Variants in HIRA observed in about 807,000 individuals in gnomAD.
HIRA encodes the protein histone cell cycle regulator, also known as protein HIRA.
HIRA carries 13 observed loss-of-function variants against 126.6 expected under a neutral mutation model. The ratio of observed to expected loss-of-function variants is 0.10; its 90% CI spans 0.07 to 0.16. The LOEUF is 0.16. Ranked by LOEUF, HIRA falls within the 10% of genes least tolerant of loss-of-function variation. The pLI, the probability that HIRA is intolerant of heterozygous loss-of-function variation, is 1.00. For missense variants in HIRA, 834 were observed against 1,314.4 expected (o/e 0.63, Z 5.65); for synonymous variants, 511 against 520.0 (o/e 0.98, Z 0.24).
intron 13 of HIRA, among the ~76,000 whole-genome samples, chr22:19,379,258 C>T (rs1034995056): frequency 4.0e-5 from 6 of 151,408 alleles, no homozygotes; most frequent in Admixed American, 2.0e-4. Context: ...GTGATCCGCC[C>T]GCCTTGGCTT....
intron 18 of HIRA, 99 bp from the exon 19 acceptor site, chr22:19,357,150 A>C: frequency 7.2e-7 from 1 of 1,392,004 alleles, no homozygotes; most frequent in Non-Finnish European, 1.0e-6. Flanking sequence ...TGGGCCCAAC[A>C]AGGGCCTCCC....
rs898110934 is a variant in HIRA at position 19,365,489 on chromosome 22, T to C, written c.1776-3558A>G. 4.6e-5 allele frequency among the ~76,000 whole-genome samples: 7 copies of C among 152,344 alleles called. No individual in the cohort carries two copies. In the East Asian group the frequency reaches 7.7e-4, roughly 17 times the overall value. ...AAAATCCTAGGGCCCTTAAGAATTA[T>C]TCTAAATCTATAAATGCAACAAGAA... On this transcript the variant is annotated intron_variant, in intron 15 of 24. Transcript: ENST00000263208.
At position 19,354,065 on chromosome 22, in the gene HIRA, C is replaced by T. The variant is rs1556011766; in HGVS notation, c.2615G>A (p.Ser872Asn). 1 of 1,613,130 alleles carries T rather than the reference C, an allele frequency of 6.2e-7. No individual in the cohort carries two copies. Among genetic ancestry groups the T allele is most frequent in the African/African-American group, 1.3e-5 (1 of 74,922 alleles). The change falls in exon 22 of 25, where the codon AGC (serine) becomes AAC (asparagine). Residue 872 changes from serine (S) to asparagine (N), a missense_variant. Physicochemically the swap from Ser to Asn is conservative, Grantham distance 46. This residue lies in a region of HIRA where 468 missense variants were observed against 574.2 expected (regional missense o/e 0.82). Transcript: ENST00000263208. ...CATGGCGTCCTGGGATGGCAGGCTG[C>T]TCCTAAAGTCTGCACACTGAGCCAG... ...DSLAQCADFR[S>N]SLPSQDAMLC...
intron 1 of HIRA, among the ~76,000 whole-genome samples, chr22:19,414,901 CA>C (rs1488875865): frequency 6.6e-6 from 1 of 151,130 alleles, no homozygotes; most frequent in Non-Finnish European, 1.5e-5. Context: ...CAAAACAAAA[CA>C]AAAAATATAT....
At chr22:19,393,290 T>A (rs936512338) in intron 8 of HIRA, among the ~76,000 whole-genome samples, 1 of 152,234 alleles carries the variant, frequency 6.6e-6, no homozygotes, top group Non-Finnish European at 1.5e-5. Flanking sequence ...AACAAAAAAA[T>A]TTAATAAGTA....
chr22:19,362,032 T>A, intron 15 of HIRA, 101 bp from the exon 16 acceptor site: 1 of 1,082,706 alleles, frequency 9.2e-7, no homozygotes, highest in Non-Finnish European at 1.3e-6. Flanking sequence ...CTTGCCAACC[T>A]AGAATTCTGT....
intron 1 of HIRA, 108 bp downstream of exon 1, chr22:19,431,332 T>C: frequency 7.9e-7 from 1 of 1,261,662 alleles, no homozygotes; most frequent in Non-Finnish European, 1.1e-6. Context: ...GGGCACCGGG[T>C]ACCGGGCGTC....
At chr22:19,419,587 G>A (rs542442204) in intron 1 of HIRA, among the ~76,000 whole-genome samples, 1 of 152,254 alleles carries the variant, frequency 6.6e-6, no homozygotes, top group African/African-American at 2.4e-5. Context: ...TTTATTGTAT[G>A]TCTGTCTACT....
In HIRA at chr22:19,405,832, A is replaced by G. The variant is rs1168720185; in HGVS notation, c.351T>C (p.Asn117=). The change falls in exon 5 of 25, where the codon AAT becomes AAC. Residue 117 remains asparagine (N), a synonymous_variant. Coordinates refer to ENST00000263208, the MANE Select transcript of HIRA (RefSeq NM_003325.4). ...TAGAGACACACCGCCACTGCTCCAC[A>G]TTGGCAAGCTTACCACTGGAGCCGA... ...TVFGSSGKLA[N]VEQWRCVSIL... 3.3e-6 allele frequency: 5 copies of G among 1,512,282 alleles called. No homozygotes were observed. The African/African-American group carries it at 5.7e-5, about 17-fold the overall frequency. 93.7% of individuals were successfully genotyped at this position (1,512,282 alleles called of 1,614,324 possible).
chr22:19,429,677 C>T (rs1458042457), intron 1 of HIRA, among the ~76,000 whole-genome samples: 1 of 152,094 alleles, frequency 6.6e-6, no homozygotes, highest in African/African-American at 2.4e-5. Flanking sequence ...TTCATTTGTA[C>T]CTAGTTCGTC....
chr22:19,409,044 C>T (rs1282216573), intron 2 of HIRA, among the ~76,000 whole-genome samples: 1 of 152,208 alleles, frequency 6.6e-6, no homozygotes, highest in Non-Finnish European at 1.5e-5. Context: ...AAAGCACACC[C>T]TAGTGGGGTT....
intron 5 of HIRA, among the ~76,000 whole-genome samples, chr22:19,405,053 G>A (rs1241659375): frequency 6.6e-6 from 1 of 152,166 alleles, no homozygotes; most frequent in African/African-American, 2.4e-5. Context: ...GTAACAGGGA[G>A]CACAAGCTTT....
chr22:19,333,880 T>C (rs1007397430), intron 24 of HIRA, among the ~76,000 whole-genome samples: 8 of 152,216 alleles, frequency 5.3e-5, no homozygotes, highest in Non-Finnish European at 1.0e-4. Flanking sequence ...TGAACCCTTC[T>C]AGTGAACTTT....
chr22:19,334,073 C>T (rs2088529318), intron 24 of HIRA, among the ~76,000 whole-genome samples: 1 of 151,740 alleles, frequency 6.6e-6, no homozygotes, highest in African/African-American at 2.4e-5. Context: ...CTCCTGGGTT[C>T]ACACCATTCT....
chr22:19,364,800 C>A (rs373648011), intron 15 of HIRA, among the ~76,000 whole-genome samples: 1 of 152,036 alleles, frequency 6.6e-6, no homozygotes, highest in Non-Finnish European at 1.5e-5. Flanking sequence ...AAGTGTTAAA[C>A]CAAAAGCTAA....
chr22:19,389,074 C>T (rs187099707), intron 9 of HIRA, among the ~76,000 whole-genome samples: 4 of 152,330 alleles, frequency 2.6e-5, no homozygotes, highest in Admixed American at 2.6e-4. Context: ...GGCCCTTAAT[C>T]TGGGCCTAGT....
At chr22:19,371,576 G>C (rs990325849) in intron 15 of HIRA, among the ~76,000 whole-genome samples, 1 of 152,048 alleles carries the variant, frequency 6.6e-6, no homozygotes, top group East Asian at 1.9e-4. Context: ...TCTAATGCCA[G>C]AACATTTTCA....
intron 12 of HIRA, among the ~76,000 whole-genome samples, chr22:19,384,652 C>G (rs1392619239): frequency 2.0e-5 from 3 of 151,518 alleles, no homozygotes; most frequent in Non-Finnish European, 4.4e-5. Context: ...TAGGGATTTT[C>G]TTTCTTTCTT....
Position 19,353,582 on chromosome 22 carries a change from C to G in HIRA, c.2685-63G>C, listed in dbSNP as rs1372819278. On this transcript the variant is annotated intron_variant, in intron 22 of 24. Transcript: ENST00000263208. ...GGCACTACACAGAGTCAGGAACTGCCCCCGTGTGCAACAGGCAAGGAGCTG... is the reference window on the plus strand; with the variant it reads ...GGCACTACACAGAGTCAGGAACTGCGCCCGTGTGCAACAGGCAAGGAGCTG... 4.7e-6 allele frequency: 7 copies of G among 1,484,100 alleles called. No homozygotes were observed. The East Asian group carries it at 1.6e-4, about 34-fold the overall frequency. 91.9% of individuals were successfully genotyped at this position (1,484,100 alleles called of 1,614,324 possible). A position where few individuals can be genotyped will look rare whatever the true frequency, so the allele number is the denominator to read the frequency against.
Sources: gnomAD v4.1 joint callset for allele counts (sites outside exome capture counted in the v4.1 genomes callset) on GRCh38, gnomAD v4.1.1 for gene constraint, gnomAD v4.1.1 regional missense constraint, MANE v1.5 for transcripts, NCBI Gene and HGNC (gene_info 2026-07-23, HGNC 2026-07-21) for gene names.